The following LRMDA variants were observed in gnomAD, a reference collection of about 807,000 sequenced individuals.
LRMDA encodes leucine-rich melanocyte differentiation-associated protein.
LRMDA carries 18 observed loss-of-function variants against 29.8 expected under a neutral mutation model. The observed-to-expected ratio is 0.60, with a 90% confidence interval of 0.42 to 0.90. The LOEUF (loss-of-function observed/expected upper bound fraction) is 0.90, where lower values mean the gene tolerates loss of function less well. Ranked by LOEUF, LRMDA falls within the 40% of genes least tolerant of loss-of-function variation. The pLI, the probability that LRMDA is intolerant of heterozygous loss-of-function variation, is 0.00. For synonymous variants in LRMDA, 125 were observed against 109.4 expected, an observed-to-expected ratio of 1.14 and a Z score of -0.89; for missense variants, 273 against 273.9, an observed-to-expected ratio of 1.00 and a Z score of 0.02.
chr10:75,584,554 A>G (rs1840634740), intron 2 of LRMDA, among the ~76,000 whole-genome samples: 1 of 152,182 alleles, frequency 6.6e-6, no homozygotes, highest in African/African-American at 2.4e-5. Flanking sequence ...TGAATGAATA[A>G]ATGCAGAAAT....
chr10:76,457,353 C>T (rs542847539), intron 6 of LRMDA, among the ~76,000 whole-genome samples: 1 of 152,300 alleles, frequency 6.6e-6, no homozygotes, highest in South Asian at 2.1e-4. Context: ...CTCAGTCATT[C>T]ATAGTCATGC....
intron 2 of LRMDA, among the ~76,000 whole-genome samples, chr10:75,810,824 A>G (rs1317863514): frequency 1.3e-5 from 2 of 152,230 alleles, no homozygotes; most frequent in Non-Finnish European, 2.9e-5. Context: ...TGAGCAGGAG[A>G]TACAGTTGTT....
chr10:75,694,243 G>A (rs190363022), intron 2 of LRMDA, among the ~76,000 whole-genome samples: 4 of 152,306 alleles, frequency 2.6e-5, no homozygotes, highest in Admixed American at 1.3e-4. Flanking sequence ...AGCATTAAAG[G>A]ATTTCAGAAA....
intron 6 of LRMDA, among the ~76,000 whole-genome samples, chr10:76,468,154 T>C (rs1254034337): frequency 6.6e-6 from 1 of 152,204 alleles, no homozygotes; most frequent in East Asian, 1.9e-4. Context: ...CAGTCTTAAA[T>C]TACTCGCCTC....
intron 2 of LRMDA, among the ~76,000 whole-genome samples, chr10:75,467,331 G>C (rs1022593804): frequency 5.3e-5 from 8 of 152,156 alleles, no homozygotes; most frequent in Admixed American, 2.0e-4. Flanking sequence ...TTCCCCACCT[G>C]CCATTATTTG....
intron 6 of LRMDA, among the ~76,000 whole-genome samples, chr10:76,353,436 A>C (rs1490173441): frequency 6.6e-6 from 1 of 152,052 alleles, no homozygotes; most frequent in Non-Finnish European, 1.5e-5. Flanking sequence ...TGACACATGC[A>C]TGCAGAGTCA....
chr10:76,363,393 T>C (rs1410068823), intron 6 of LRMDA, among the ~76,000 whole-genome samples: 4 of 152,148 alleles, frequency 2.6e-5, no homozygotes, highest in African/African-American at 9.7e-5. Flanking sequence ...TATTTGCAGA[T>C]GAAATTATCA....
chr10:76,059,828 A>G (rs1848676457), intron 5 of LRMDA, among the ~76,000 whole-genome samples: 1 of 152,196 alleles, frequency 6.6e-6, no homozygotes, highest in Non-Finnish European at 1.5e-5. Context: ...GGTGCAACTT[A>G]TTTTCCATTA....
intron 2 of LRMDA, among the ~76,000 whole-genome samples, chr10:75,906,727 A>C (rs1845765203): frequency 6.6e-6 from 1 of 152,244 alleles, no homozygotes; most frequent in African/African-American, 2.4e-5. Context: ...TGCGCTCATT[A>C]CTGGCTGGCC....
intron 2 of LRMDA, among the ~76,000 whole-genome samples, chr10:75,533,960 A>T (rs142592553): frequency 1.3e-5 from 2 of 152,328 alleles, no homozygotes; most frequent in East Asian, 3.9e-4. Flanking sequence ...TCAACAGTAA[A>T]GGAAATCTAT....
rs578107350 is a variant in LRMDA, at chr10:75,732,689, A to G, written c.131+294195A>G. Among the ~76,000 whole-genome samples, 27 of 152,250 alleles carry G rather than the reference A, an allele frequency of 1.8e-4. No individual in the cohort carries two copies. In the South Asian group the frequency reaches 4.2e-3, roughly 23 times the overall value. On this transcript the variant is annotated intron_variant, in intron 2 of 6. Transcript: ENST00000611255. ...CACAGCCTGCATGTCCAGACTGCCT[A>G]TTTGTTCACAGCTCACCACGAACAG...
intron 2 of LRMDA, among the ~76,000 whole-genome samples, chr10:75,751,651 T>G (rs1426645578): frequency 6.6e-6 from 1 of 152,130 alleles, no homozygotes. Flanking sequence ...ATTGCTATGG[T>G]CCTCACCATC....
intron 6 of LRMDA, among the ~76,000 whole-genome samples, chr10:76,358,124 G>A (rs938993718): frequency 6.6e-6 from 1 of 152,074 alleles, no homozygotes; most frequent in African/African-American, 2.4e-5. Flanking sequence ...ATGGTAAATG[G>A]CCTCAAGCAA....
At chr10:75,792,309 G>C (rs1843582129) in intron 2 of LRMDA, among the ~76,000 whole-genome samples, 1 of 152,174 alleles carries the variant, frequency 6.6e-6, no homozygotes, top group Middle Eastern at 3.4e-3. Context: ...CTGTCACCCA[G>C]GCTGGAGTGC....
chr10:75,842,196 A>C (rs1450767713), intron 2 of LRMDA, among the ~76,000 whole-genome samples: 1 of 152,260 alleles, frequency 6.6e-6, no homozygotes, highest in African/African-American at 2.4e-5. Flanking sequence ...AAATCAGAAG[A>C]ATACTTTGTG....
intron 2 of LRMDA, among the ~76,000 whole-genome samples, chr10:75,575,735 AG>A (rs1840495781): frequency 6.6e-6 from 1 of 152,170 alleles, no homozygotes; most frequent in South Asian, 2.1e-4. Context: ...CCGAAGCAGG[AG>A]GGGGCATCAC....
At chr10:76,117,999 C>G (rs901919064) in intron 5 of LRMDA, among the ~76,000 whole-genome samples, 2 of 152,224 alleles carry the variant, frequency 1.3e-5, no homozygotes, top group East Asian at 1.9e-4. Flanking sequence ...GACCCATTCC[C>G]TCTGTGCACA....
At chr10:75,622,571 T>A (rs7097768) in intron 2 of LRMDA, among the ~76,000 whole-genome samples, 2,093 of 152,302 alleles carry the variant, frequency 0.014, 52 homozygotes, top group African/African-American at 0.048. Context: ...GGTCACTGCA[T>A]TGACCACTGA....
chr10:76,448,057 T>C (rs1185559124), intron 6 of LRMDA, among the ~76,000 whole-genome samples: 1 of 152,212 alleles, frequency 6.6e-6, no homozygotes, highest in Non-Finnish European at 1.5e-5. Flanking sequence ...AAAGAGTTTA[T>C]TTTGATAGTA....
Sources: allele counts gnomAD v4.1 joint callset (sites outside exome capture counted in the v4.1 genomes callset), GRCh38; gene constraint gnomAD v4.1.1; transcripts MANE v1.5; gene names NCBI Gene and HGNC (gene_info 2026-07-23, HGNC 2026-07-21).